CUBN: variants seen among roughly 807,000 people sequenced by gnomAD.
CUBN encodes 460 kDa receptor.
A neutral mutation model predicts 405.3 loss-of-function variants in CUBN; 282 were observed. The ratio of observed to expected loss-of-function variants is 0.70; its 90% CI spans 0.63 to 0.77. The LOEUF (loss-of-function observed/expected upper bound fraction) is 0.77, where lower values mean the gene tolerates loss of function less well. Ranked by LOEUF, CUBN falls within the 30% of genes least tolerant of loss-of-function variation. The pLI is 0.00. For missense variants in CUBN, 4,514 were observed against 4,475.2 expected (o/e 1.01, Z -0.25); for synonymous variants, 1,684 against 1,617.0 (o/e 1.04, Z -0.99).
chr10:17,104,069 T>C (rs1369622397), intron 12 of CUBN, among the ~76,000 whole-genome samples: 1 of 152,138 alleles, frequency 6.6e-6, no homozygotes, highest in African/African-American at 2.4e-5. Context: ...GAGAGTGACT[T>C]GATTCAATGC....
In CUBN at chr10:16,954,518, G is replaced by C. The variant is rs765770899; in HGVS notation, c.4726C>G (p.Arg1576Gly). ...AYDGLSSTMSRLARTCGREQL... is the reference protein window; with the variant it reads ...AYDGLSSTMSGLARTCGREQL... The stretch of plus-strand genomic sequence containing the variant: ...TCCCTTCCACACGTCCTGGCAAGGC[G>C]GGACATTGTGGAGCTTAAGCCATCG... Residue 1576 changes from arginine (R) to glycine (G), a missense_variant, in exon 32 of 67, where the codon CGC becomes GGC. By Grantham distance (125) the Arg-to-Gly change is moderately radical. Transcript: ENST00000377833. 1 of 1,613,790 alleles carries C rather than the reference G, an allele frequency of 6.2e-7. No homozygotes were observed. The highest frequency in any genetic ancestry group is 8.5e-7 in the Non-Finnish European group (1 of 1,180,002).
At chr10:17,122,321 C>T in intron 6 of CUBN, 1 of 235,246 alleles carries the variant, frequency 4.3e-6, no homozygotes, top group East Asian at 1.1e-4. Context: ...AATCTTTGAC[C>T]TCGTTATGGT....
chr10:17,127,178 TTC>T (rs200445008), intron 3 of CUBN, among the ~76,000 whole-genome samples: 3 of 147,322 alleles, frequency 2.0e-5, no homozygotes, highest in Admixed American at 6.8e-5. Flanking sequence ...CTTTCTTTCT[TTC>T]TCTCTCTCTC....
chr10:16,849,127 C>T (rs1839603268), intron 60 of CUBN, among the ~76,000 whole-genome samples: 1 of 152,156 alleles, frequency 6.6e-6, no homozygotes, highest in Non-Finnish European at 1.5e-5. Context: ...GGTTGTCATC[C>T]AGTGCAATGA....
At chr10:17,115,659 A>T (rs1588653131) in intron 6 of CUBN, 62 bp from the exon 7 acceptor site, 6 of 1,558,004 alleles carry the variant, frequency 3.9e-6, no homozygotes, top group African/African-American at 2.7e-5. Context: ...CCTGTCTCTT[A>T]ATATCAATGA....
At chr10:16,878,646 C>T (rs918286854) in intron 56 of CUBN, among the ~76,000 whole-genome samples, 3 of 152,184 alleles carry the variant, frequency 2.0e-5, no homozygotes, top group Non-Finnish European at 4.4e-5. Flanking sequence ...ATCTGACATT[C>T]TTCCCAATTC....
chr10:16,921,271 C>T (rs1474004478), intron 43 of CUBN, among the ~76,000 whole-genome samples: 1 of 152,188 alleles, frequency 6.6e-6, no homozygotes, highest in Non-Finnish European at 1.5e-5. Flanking sequence ...AGAATCTCTT[C>T]CATTTGTTAC....
chr10:16,828,477 G>A (rs1588563300), intron 66 of CUBN, among the ~76,000 whole-genome samples: 1 of 152,226 alleles, frequency 6.6e-6, no homozygotes, highest in East Asian at 1.9e-4. Flanking sequence ...CAACACTTTC[G>A]GAGGCCCAAG....
chr10:16,915,006 T>C, intron 47 of CUBN, 26 bp downstream of exon 47: 1 of 1,606,254 alleles, frequency 6.2e-7, no homozygotes, highest in Non-Finnish European at 8.5e-7. Context: ...TGCTCAATGT[T>C]GTGTTGAATG....
intron 56 of CUBN, among the ~76,000 whole-genome samples, chr10:16,886,499 T>C (rs1840818525): frequency 6.6e-6 from 1 of 152,220 alleles, no homozygotes; most frequent in Admixed American, 6.5e-5. Flanking sequence ...AATATGGTTA[T>C]GAGTGGTTGA....
At position 17,028,728 on chromosome 10, in the gene CUBN, AAAAG is replaced by A. The variant is rs202001640; in HGVS notation, c.4018-8749_4018-8746del. Among the ~76,000 whole-genome samples, 1,890 of 151,700 alleles carry A rather than the reference AAAAG, an allele frequency of 0.012. 111 individuals are homozygous for A. The East Asian group carries it at 0.18, about 14-fold the overall frequency. On this transcript the variant is annotated intron_variant, in intron 27 of 66. Coordinates refer to ENST00000377833, the MANE Select transcript of CUBN (RefSeq NM_001081.4). Reference sequence around the variant, plus strand: ...AGAGTGAGACTCTGTCTCAAAAAAAAAAAGAAAGAAAGAAAGAAAAAATAATAAA... The same window carrying A: ...AGAGTGAGACTCTGTCTCAAAAAAAAAAAGAAAGAAAGAAAAAATAATAAA...
In CUBN at chr10:17,129,718, T is replaced by G; in HGVS notation, c.48A>C (p.Leu16Phe). 1.2e-6 allele frequency: 2 copies of G among 1,614,072 alleles called. No individual in the cohort carries two copies. The highest frequency in any genetic ancestry group is 2.2e-5 in the South Asian group (2 of 91,084). ...LPFLWSLLTL[L>F]IFAEVNGEAG... ...CTTCGCCATTTACTTCAGCAAATAT[T>G]AATAAGGTAAGCAAACTCCAAAGAA... is the stretch of plus-strand genomic sequence containing the variant. The change falls in exon 1 of 67, where the codon TTA (leucine) becomes TTC (phenylalanine). Residue 16 changes from leucine (L) to phenylalanine (F), a missense_variant. Coordinates refer to ENST00000377833, the MANE Select transcript of CUBN (RefSeq NM_001081.4).
chr10:17,013,620 A>T (rs1834247885), intron 28 of CUBN, among the ~76,000 whole-genome samples: 1 of 152,226 alleles, frequency 6.6e-6, no homozygotes, highest in African/African-American at 2.4e-5. Context: ...GGGATCCCCC[A>T]GAGGTTAGGA....
Position 17,075,073 on chromosome 10 carries a change from C to CTTTTTTT in CUBN, c.2302-3109_2302-3103dup, listed in dbSNP as rs957929670. On this transcript the variant is annotated intron_variant, in intron 17 of 66. Coordinates refer to ENST00000377833, the MANE Select transcript of CUBN (RefSeq NM_001081.4). ...TAAAGAGAAGATTTTTCTTTGTTTT[C>CTTTTTTT]TTTTTTTTTTTTTTTTTTTTTTTTT... Among the ~76,000 whole-genome samples, 43 of 65,322 alleles carry CTTTTTTT rather than the reference C, an allele frequency of 6.6e-4. 1 individual carries two copies. Among genetic ancestry groups the CTTTTTTT allele is most frequent in the South Asian group, 1.3e-3 (2 of 1,520 alleles). The allele number at this position is 65,322 out of a possible 152,430, so 42.9% of individuals were successfully genotyped here. A position where few individuals can be genotyped will look rare whatever the true frequency, so the allele number is the denominator to read the frequency against.
chr10:16,955,386 A>C (rs1588517212), intron 31 of CUBN, among the ~76,000 whole-genome samples: 1 of 136,954 alleles, frequency 7.3e-6, no homozygotes, highest in African/African-American at 3.6e-5. Context: ...AAAAAAAAAA[A>C]AAAAAAAAAA....
chr10:16,870,107 C>G (rs1840307441), intron 58 of CUBN, among the ~76,000 whole-genome samples: 1 of 152,196 alleles, frequency 6.6e-6, no homozygotes, highest in Non-Finnish European at 1.5e-5. Flanking sequence ...AAGATACAGT[C>G]TTACTTTTCA....
intron 26 of CUBN, 149 bp from the exon 27 acceptor site, chr10:17,041,369 C>A (rs984891260): frequency 1.2e-4 from 79 of 653,346 alleles, no homozygotes; most frequent in Non-Finnish European, 1.8e-4. Flanking sequence ...TGTATATATA[C>A]ACACACAGAG....
chr10:17,013,661 C>A (rs1374359210), intron 28 of CUBN, among the ~76,000 whole-genome samples: 1 of 152,200 alleles, frequency 6.6e-6, no homozygotes, highest in Non-Finnish European at 1.5e-5. Flanking sequence ...GCAGCACGGG[C>A]ATGTAGGATT....
chr10:17,008,102 GATTGCGCC>G (rs1362714199), intron 28 of CUBN, among the ~76,000 whole-genome samples: 1 of 152,136 alleles, frequency 6.6e-6, no homozygotes, highest in Non-Finnish European at 1.5e-5. Context: ...AGTGAGCTGA[GATTGCGCC>G]ACTGCACTCT....
Sources: allele counts gnomAD v4.1 joint callset (sites outside exome capture counted in the v4.1 genomes callset), GRCh38; gene constraint gnomAD v4.1.1; transcripts MANE v1.5; gene names NCBI Gene and HGNC (gene_info 2026-07-23, HGNC 2026-07-21).